The following RAB10 variants were observed in gnomAD, a reference collection of about 807,000 sequenced individuals.
RAB10 encodes the protein ras-related protein Rab-10.
A neutral mutation model predicts 25.7 loss-of-function variants in RAB10; 5 were observed. That is an observed-to-expected ratio of 0.19 (90% CI 0.10 to 0.41). RAB10 has a LOEUF of 0.41. RAB10 is among the 10% of genes least tolerant of loss of function. The pLI, the probability that RAB10 is intolerant of heterozygous loss-of-function variation, is 1.00. For synonymous variants in RAB10, 89 were observed against 86.4 expected (o/e 1.03, Z -0.16); for missense variants, 103 against 245.8 (o/e 0.42, Z 3.89).
rs967014895 is a variant in RAB10 at position 26,100,905 on chromosome 2, T to C, written c.188+2183T>C. 4.0e-5 allele frequency among the ~76,000 whole-genome samples: 6 copies of C among 151,360 alleles called. No individual in the cohort carries two copies. The East Asian group carries it at 1.2e-3, about 29-fold the overall frequency. The stretch of plus-strand genomic sequence containing the variant: ...CCTGCCCTGTCAGAGCTCACACCCA[T>C]AGGGACAGGAGCAAACAAGTAAATA... On this transcript the variant is annotated intron_variant, in intron 2 of 5. Transcript: ENST00000264710.
chr2:26,083,337 G>A (rs532319496), intron 1 of RAB10, among the ~76,000 whole-genome samples: 75 of 152,156 alleles, frequency 4.9e-4, no homozygotes, highest in Non-Finnish European at 9.7e-4. Context: ...AGGATACAAG[G>A]TCAGTGTACC....
chr2:26,051,507 G>T (rs1453898166), intron 1 of RAB10, among the ~76,000 whole-genome samples: 1 of 151,604 alleles, frequency 6.6e-6, no homozygotes, highest in African/African-American at 2.4e-5. Context: ...CCACACTTTG[G>T]GAGGCCAAGG....
chr2:26,127,607 C>G (rs1241547304), intron 4 of RAB10, among the ~76,000 whole-genome samples: 1 of 152,186 alleles, frequency 6.6e-6, no homozygotes, highest in Admixed American at 6.6e-5. Flanking sequence ...GGTTGAGCTT[C>G]TCATAAGTTT....
intron 3 of RAB10, among the ~76,000 whole-genome samples, chr2:26,113,865 T>C (rs1435702377): frequency 6.6e-6 from 1 of 151,786 alleles, no homozygotes; most frequent in Non-Finnish European, 1.5e-5. Flanking sequence ...CCCAGAAAAC[T>C]CTTAGAACTA....
intron 1 of RAB10, among the ~76,000 whole-genome samples, chr2:26,046,137 C>G (rs1387278626): frequency 2.0e-5 from 3 of 152,120 alleles, no homozygotes; most frequent in Non-Finnish European, 2.9e-5. Flanking sequence ...CCAGCCTGAC[C>G]AACATGGAGA....
At chr2:26,097,851 G>A (rs1232642785) in intron 1 of RAB10, among the ~76,000 whole-genome samples, 1 of 152,112 alleles carries the variant, frequency 6.6e-6, no homozygotes, top group Admixed American at 6.5e-5. Context: ...TCTCTTCGCA[G>A]TTCTATTAAT....
intron 3 of RAB10, among the ~76,000 whole-genome samples, chr2:26,125,341 T>A (rs949367690): frequency 6.6e-6 from 1 of 152,158 alleles, no homozygotes; most frequent in Admixed American, 6.5e-5. Context: ...GATTTGCATT[T>A]CCTAATCTTA....
Position 26,137,039 on chromosome 2 carries a change from T to G in RAB10, c.*2018T>G, listed in dbSNP as rs1447854800. 1.3e-5 allele frequency: 2 copies of G among 152,644 alleles called. No homozygotes were observed. The highest frequency in any genetic ancestry group is 4.8e-5 in the African/African-American group (2 of 41,454). 9.5% of individuals were successfully genotyped at this position (152,644 alleles called of 1,614,324 possible). On this transcript the variant is annotated 3_prime_UTR_variant, in exon 6 of 6. Transcript: ENST00000264710. ...ATTAGCTTTTTTATTTTAACCCTCT[T>G]TAATTCTTATTCAATTCCATGACTT...
chr2:26,060,728 G>C (rs1666376446), intron 1 of RAB10, among the ~76,000 whole-genome samples: 1 of 152,142 alleles, frequency 6.6e-6, no homozygotes, highest in Non-Finnish European at 1.5e-5. Flanking sequence ...TGCTAATCCA[G>C]GTCTGTCAGA....
chr2:26,103,590 C>T (rs1368944359), intron 2 of RAB10, among the ~76,000 whole-genome samples: 1 of 152,062 alleles, frequency 6.6e-6, no homozygotes, highest in Non-Finnish European at 1.5e-5. Context: ...TTTATAATGA[C>T]TTTTTTATAC....
upstream of RAB10, among the ~76,000 whole-genome samples, chr2:26,033,766 C>G (rs1041134736): frequency 8.1e-6 from 1 of 122,858 alleles, no homozygotes; most frequent in Admixed American, 7.7e-5. Flanking sequence ...AAGGGTGTCC[C>G]GGGGAGCGGG....
intron 1 of RAB10, among the ~76,000 whole-genome samples, chr2:26,055,948 G>A (rs925730140): frequency 1.7e-4 from 25 of 151,448 alleles, no homozygotes; most frequent in African/African-American, 3.4e-4. Flanking sequence ...CAGGATGAGC[G>A]CAGTGGCACA....
At chr2:26,112,527 G>A (rs895960576) in intron 3 of RAB10, among the ~76,000 whole-genome samples, 6 of 152,144 alleles carry the variant, frequency 3.9e-5, no homozygotes, top group Non-Finnish European at 8.8e-5. Context: ...TTATTATACC[G>A]CAGACTTAAA....
chr2:26,122,298 TG>T (rs1235344798), intron 3 of RAB10, among the ~76,000 whole-genome samples: 1 of 152,202 alleles, frequency 6.6e-6, no homozygotes, highest in African/African-American at 2.4e-5. Context: ...ATGTTGAAAA[TG>T]CAGCTCTTAT....
At chr2:26,087,343 T>C (rs1420556515) in intron 1 of RAB10, among the ~76,000 whole-genome samples, 2 of 152,218 alleles carry the variant, frequency 1.3e-5, no homozygotes, top group African/African-American at 4.8e-5. Flanking sequence ...CTTAGCACTC[T>C]TAGTAATTAC....
intron 1 of RAB10, among the ~76,000 whole-genome samples, chr2:26,053,310 C>T (rs1379623654): frequency 6.6e-6 from 1 of 152,120 alleles, no homozygotes; most frequent in African/African-American, 2.4e-5. Flanking sequence ...AGTAGTTCCA[C>T]CACTATCCAG....
At chr2:26,056,330 C>G (rs1236290963) in intron 1 of RAB10, among the ~76,000 whole-genome samples, 1 of 152,074 alleles carries the variant, frequency 6.6e-6, no homozygotes, top group Non-Finnish European at 1.5e-5. Context: ...TCCTCAGTAG[C>G]TGGAACTACA....
intron 5 of RAB10, among the ~76,000 whole-genome samples, chr2:26,130,837 A>G (rs1348049815): frequency 1.3e-5 from 2 of 152,184 alleles, no homozygotes; most frequent in Non-Finnish European, 2.9e-5. Flanking sequence ...TCAGACATTA[A>G]TGGGTCAGGA....
upstream of RAB10, among the ~76,000 whole-genome samples, chr2:26,033,387 C>T (rs2149258314): frequency 6.6e-6 from 1 of 152,330 alleles, no homozygotes; most frequent in East Asian, 1.9e-4. Context: ...CTCAACCTTC[C>T]TCTCCTCGCC....
Sources: gnomAD v4.1 joint callset for allele counts (sites outside exome capture counted in the v4.1 genomes callset) on GRCh38, gnomAD v4.1.1 for gene constraint, MANE v1.5 for transcripts, NCBI Gene and HGNC (gene_info 2026-07-23, HGNC 2026-07-21) for gene names.